TENM1: variants seen among roughly 807,000 people sequenced by gnomAD.
TENM1 encodes the protein teneurin transmembrane protein 1.
In TENM1, 35 loss-of-function variants were observed where a neutral mutation model predicts 174.8. That is an observed-to-expected ratio of 0.20 (90% confidence interval 0.15 to 0.27). The LOEUF is 0.27. Among genes scored for constraint, TENM1 ranks in the 10% least tolerant of loss-of-function variants. TENM1 has a pLI of 1.00. For synonymous variants in TENM1, 781 were observed against 798.7 expected (o/e 0.98, Z 0.37); for missense variants, 1,633 against 2,130.1 (o/e 0.77, Z 4.59).
rs753937607 is a variant in TENM1, at chrX:124,477,831, C to T, written c.3949+3901G>A. 2.7e-5 allele frequency among the ~76,000 whole-genome samples: 3 copies of T among 109,940 alleles called. No homozygotes were observed. The East Asian group carries it at 8.6e-4, about 31-fold the overall frequency. ...CTGGTTTGAATTCCAGTGTTGTTATCTGTAAACTGTGTGAAACTGGGTAAA... is the reference window on the plus strand; with the variant it reads ...CTGGTTTGAATTCCAGTGTTGTTATTTGTAAACTGTGTGAAACTGGGTAAA... On this transcript the variant is annotated intron_variant, in intron 22 of 31. Transcript: ENST00000422452.
the TENM1 span, among the ~76,000 whole-genome samples, chrX:124,972,752 ACTT>A: frequency 1.8e-5 from 2 of 112,120 alleles, no homozygotes; most frequent in African/African-American, 3.2e-5. Flanking sequence ...TGAATATGGG[ACTT>A]CTTCTCCAGA....
intron 2 of TENM1, 84 bp downstream of exon 5, chrX:124,895,897 C>G (rs759509334): frequency 1.6e-4 from 170 of 1,069,060 alleles, no homozygotes; most frequent in Non-Finnish European, 2.0e-4. Flanking sequence ...GAAAGAAGGG[C>G]AGATATAGGG....
At chrX:124,471,105 C>A (rs759506091) in intron 22 of TENM1, among the ~76,000 whole-genome samples, 163 of 86,806 alleles carry the variant, frequency 1.9e-3, no homozygotes, top group African/African-American at 6.2e-3. Context: ...CTTTCTCTCT[C>A]TATATACATA....
At chrX:125,167,340 T>C in the TENM1 span, among the ~76,000 whole-genome samples, 1 of 110,860 alleles carries the variant, frequency 9.0e-6, no homozygotes, top group Admixed American at 9.6e-5. Flanking sequence ...TCTAGGTGAG[T>C]CTGAGGGTAC....
intron 3 of TENM1, among the ~76,000 whole-genome samples, chrX:124,867,942 T>C (rs1390041957): frequency 9.0e-6 from 1 of 111,555 alleles, no homozygotes; most frequent in African/African-American, 3.3e-5. Flanking sequence ...AAGATCTCTA[T>C]AATGAAAAAC....
At chrX:124,656,986 G>C (rs1253406000) in intron 6 of TENM1, among the ~76,000 whole-genome samples, 2 of 110,060 alleles carry the variant, frequency 1.8e-5, no homozygotes, top group African/African-American at 6.6e-5. Context: ...AAAAATTTCT[G>C]TATTAATATA....
Position 124,875,790 on chromosome X carries a change from C to T in TENM1, c.535+18506G>A, listed in dbSNP as rs750709340. Among the ~76,000 whole-genome samples, 3 of 102,388 alleles carry T rather than the reference C, an allele frequency of 2.9e-5. No homozygotes were observed. The South Asian group carries it at 1.4e-3, about 48-fold the overall frequency. 88.9% of individuals were successfully genotyped at this position (102,388 alleles called of 115,157 possible). On this transcript the variant is annotated intron_variant, in intron 3 of 31. Coordinates refer to ENST00000422452, the Ensembl canonical transcript of TENM1. Reference sequence around the variant, plus strand: ...ACTCCGGAGGCTAAAGTGGGAGGATCACTTGAGCTTAGGAGGTCAAAGCTG... The same window carrying T: ...ACTCCGGAGGCTAAAGTGGGAGGATTACTTGAGCTTAGGAGGTCAAAGCTG...
At chrX:124,609,111 C>CAGAAAT (rs1207229015) in intron 11 of TENM1, among the ~76,000 whole-genome samples, 1 of 111,158 alleles carries the variant, frequency 9.0e-6, no homozygotes, top group Non-Finnish European at 1.9e-5. Context: ...AGGTGTAAAG[C>CAGAAAT]AGAAATACAA....
chrX:124,823,545 A>T (rs2147302245), intron 3 of TENM1, among the ~76,000 whole-genome samples: 1 of 111,111 alleles, frequency 9.0e-6, no homozygotes, highest in African/African-American at 3.3e-5. Flanking sequence ...TGCCCGGCAA[A>T]GGAGAAAATT....
the TENM1 span, among the ~76,000 whole-genome samples, chrX:125,141,102 A>G: frequency 3.6e-5 from 4 of 112,234 alleles, no homozygotes; most frequent in Non-Finnish European, 7.5e-5. Flanking sequence ...CTGTCACTCC[A>G]TTATAGCTGA....
the TENM1 span, among the ~76,000 whole-genome samples, chrX:125,032,108 C>A: frequency 9.0e-6 from 1 of 110,805 alleles, no homozygotes; most frequent in Admixed American, 9.6e-5. Flanking sequence ...GTATTATTTT[C>A]CAGCTAGATT....
intron 3 of TENM1, among the ~76,000 whole-genome samples, chrX:124,889,691 G>A (rs1469783994): frequency 9.0e-6 from 1 of 110,513 alleles, no homozygotes; most frequent in African/African-American, 3.3e-5. Flanking sequence ...TTTTGATATA[G>A]GCCTGCAATG....
Position 124,757,951 on chromosome X carries a change from T to C in TENM1, c.536-20754A>G, listed in dbSNP as rs183523247. ...AAACATTTTAACAGAAGTTTGTTTATACGGGAGTATAATGAGTAGAAGTAT... is the reference window on the plus strand; with the variant it reads ...AAACATTTTAACAGAAGTTTGTTTACACGGGAGTATAATGAGTAGAAGTAT... On this transcript the variant is annotated intron_variant, in intron 3 of 31. Transcript: ENST00000422452. 3.6e-5 allele frequency among the ~76,000 whole-genome samples: 4 copies of C among 112,246 alleles called. 1 individual carries two copies. Among genetic ancestry groups the C allele is most frequent in the African/African-American group, 1.3e-4 (4 of 30,975 alleles).
chrX:124,720,721 G>A (rs917726639), intron 4 of TENM1, among the ~76,000 whole-genome samples: 6 of 112,191 alleles, frequency 5.3e-5, no homozygotes, highest in Admixed American at 9.4e-5. Flanking sequence ...CACCTATTGC[G>A]TAACAGGAAA....
At chrX:125,053,882 C>T in the TENM1 span, among the ~76,000 whole-genome samples, 23 of 111,289 alleles carry the variant, frequency 2.1e-4, no homozygotes, top group African/African-American at 5.6e-4. Flanking sequence ...AAATAAGAGA[C>T]ACAGATTTCA....
the TENM1 span, among the ~76,000 whole-genome samples, chrX:125,005,869 A>C: frequency 1.3e-4 from 15 of 111,756 alleles, no homozygotes; most frequent in Admixed American, 1.3e-3. Flanking sequence ...GGATTTTTGC[A>C]ATCTGCAGAT....
intron 22 of TENM1, among the ~76,000 whole-genome samples, chrX:124,472,903 T>C: frequency 8.9e-6 from 1 of 111,755 alleles, no homozygotes; most frequent in Non-Finnish European, 1.9e-5. Flanking sequence ...CTTGTATTGA[T>C]GGTGGACTAA....
At chrX:124,717,453 T>C (rs2053212391) in intron 4 of TENM1, among the ~76,000 whole-genome samples, 1 of 111,621 alleles carries the variant, frequency 9.0e-6, no homozygotes, top group South Asian at 3.8e-4. Flanking sequence ...CAAGGTCATG[T>C]TGAGCCAGAG....
the TENM1 span, among the ~76,000 whole-genome samples, chrX:125,106,231 A>G: frequency 9.0e-6 from 1 of 111,359 alleles, no homozygotes; most frequent in African/African-American, 3.3e-5. Context: ...TCTGGTATGA[A>G]TCACTATTTG....
Sources: gnomAD v4.1 joint callset for allele counts (sites outside exome capture counted in the v4.1 genomes callset) on GRCh38, gnomAD v4.1.1 for gene constraint, MANE v1.5 for transcripts, NCBI Gene and HGNC (gene_info 2026-07-23, HGNC 2026-07-21) for gene names.